The following SOCS2 variants were observed in gnomAD, a reference collection of about 807,000 sequenced individuals.
The protein encoded by SOCS2 is suppressor of cytokine signaling 2, also known as CIS-2.
Under a neutral mutation model 18.6 loss-of-function variants are expected in SOCS2, and 10 were observed. The observed-to-expected ratio is 0.54, with a 90% CI of 0.33 to 0.91. SOCS2 has a LOEUF of 0.91. SOCS2 is among the 40% of genes least tolerant of loss of function. SOCS2 has a pLI of 0.02. For synonymous variants in SOCS2, 104 were observed against 104.0 expected (o/e 1.00, Z 0.00); for missense variants, 231 against 247.2 (o/e 0.93, Z 0.44).
downstream of SOCS2, among the ~76,000 whole-genome samples, chr12:93,581,409 G>C (rs575633982): frequency 6.6e-6 from 1 of 151,810 alleles, no homozygotes; most frequent in East Asian, 1.9e-4. Context: ...ACAATTCAAG[G>C]AATGATTTTT....
the SOCS2 span, among the ~76,000 whole-genome samples, chr12:93,600,169 A>G: frequency 2.0e-5 from 3 of 152,236 alleles, no homozygotes; most frequent in African/African-American, 7.2e-5. Flanking sequence ...ATAAAGGTAT[A>G]GATTTAAAAA....
intron 1 of SOCS2, chr12:93,574,181 G>A (rs915635643): frequency 7.0e-6 from 1 of 143,158 alleles, no homozygotes; most frequent in African/African-American, 2.6e-5. Context: ...ATAGAAGGCT[G>A]TTCATAGCAG....
chr12:93,594,768 G>A, the SOCS2 span, among the ~76,000 whole-genome samples: 3 of 152,064 alleles, frequency 2.0e-5, no homozygotes, highest in Non-Finnish European at 2.9e-5. Flanking sequence ...ATCAGCTCTC[G>A]AACACTGGGA....
At chr12:93,574,662 AG>A (rs1954402177) in intron 1 of SOCS2, 59 bp from the exon 2 acceptor site, 3 of 1,258,584 alleles carry the variant, frequency 2.4e-6, no homozygotes, top group Non-Finnish European at 3.3e-6. Context: ...CTCTGTTCTA[AG>A]AATTCTTATA....
At chr12:93,578,555 T>C (rs1346656901), downstream of SOCS2, among the ~76,000 whole-genome samples, 3 of 152,196 alleles carry the variant, frequency 2.0e-5, no homozygotes, top group African/African-American at 4.8e-5. Flanking sequence ...AGAGGTCTTC[T>C]GTATTCTCCT....
the SOCS2 span, among the ~76,000 whole-genome samples, chr12:93,612,676 T>C: frequency 4.1e-4 from 63 of 152,340 alleles, no homozygotes; most frequent in Non-Finnish European, 7.6e-4. Context: ...TCCAATTGTG[T>C]ATATTCTCAG....
chr12:93,608,660 G>A, the SOCS2 span, among the ~76,000 whole-genome samples: 1 of 152,156 alleles, frequency 6.6e-6, no homozygotes, highest in African/African-American at 2.4e-5. Context: ...AACTATGTAA[G>A]TATTAGCAAT....
chr12:93,604,033 A>G, the SOCS2 span, among the ~76,000 whole-genome samples: 3 of 152,296 alleles, frequency 2.0e-5, no homozygotes, highest in African/African-American at 2.4e-5. Flanking sequence ...GAACACCCAC[A>G]TGGAGGCAAC....
At chr12:93,614,504 C>T in the SOCS2 span, among the ~76,000 whole-genome samples, 144 of 56,938 alleles carry the variant, frequency 2.5e-3, 3 homozygotes, top group East Asian at 0.012. Context: ...TCCTTCCTTC[C>T]TTCCTTCCTT....
the SOCS2 span, among the ~76,000 whole-genome samples, chr12:93,604,809 G>T: frequency 6.6e-6 from 1 of 151,868 alleles, no homozygotes; most frequent in Non-Finnish European, 1.5e-5. Flanking sequence ...CAGGTGCACG[G>T]CCCCACACCT....
chr12:93,618,769 C>T, the SOCS2 span, among the ~76,000 whole-genome samples: 1 of 151,654 alleles, frequency 6.6e-6, no homozygotes, highest in South Asian at 2.1e-4. Flanking sequence ...GTATCCAAAG[C>T]TATTATGTTA....
chr12:93,596,680 T>G, the SOCS2 span, among the ~76,000 whole-genome samples: 7 of 152,248 alleles, frequency 4.6e-5, no homozygotes, highest in East Asian at 1.3e-3. Flanking sequence ...ATACAAAAAT[T>G]AGCTGGGCGT....
chr12:93,616,358 C>T, the SOCS2 span, among the ~76,000 whole-genome samples: 2 of 152,208 alleles, frequency 1.3e-5, no homozygotes, highest in South Asian at 2.1e-4. Context: ...ATCCAGTTTT[C>T]TTGGTTTGGC....
At chr12:93,577,534 TC>T (rs369426541), downstream of SOCS2, among the ~76,000 whole-genome samples, 1 of 149,462 alleles carries the variant, frequency 6.7e-6, no homozygotes, top group East Asian at 2.0e-4. Context: ...TTTTTTTTTT[TC>T]CCCCGGGAGA....
chr12:93,580,247 T>C (rs1463504600), downstream of SOCS2, among the ~76,000 whole-genome samples: 2 of 152,226 alleles, frequency 1.3e-5, no homozygotes, highest in Non-Finnish European at 2.9e-5. Context: ...GCTAAGCATT[T>C]TTTCCCTTCT....
At chr12:93,572,540 G>T, upstream of SOCS2, 2 of 454,644 alleles carry the variant, frequency 4.4e-6, no homozygotes, top group South Asian at 4.0e-5. The surrounding 1 kb of genome is among the most constrained non-coding windows in gnomAD (Gnocchi z 5.0). Flanking sequence ...CTGGGCCAGG[G>T]CGCTAACTGG....
At chr12:93,593,204 C>T in the SOCS2 span, among the ~76,000 whole-genome samples, 1 of 152,100 alleles carries the variant, frequency 6.6e-6, no homozygotes, top group African/African-American at 2.4e-5. Flanking sequence ...TTAGCTTTGC[C>T]TAAGATTATT....
downstream of SOCS2, among the ~76,000 whole-genome samples, chr12:93,581,549 T>C (rs948095903): frequency 1.2e-4 from 19 of 152,190 alleles, no homozygotes; most frequent in Admixed American, 6.5e-4. Flanking sequence ...AATTTCTTAG[T>C]AGGAAGGTGT....
chr12:93,585,121 G>A (rs1045933146), downstream of SOCS2, among the ~76,000 whole-genome samples: 11 of 151,568 alleles, frequency 7.3e-5, no homozygotes, highest in African/African-American at 2.4e-4. Context: ...TAACCCACAA[G>A]CTCTTCCCTA....
Sources: allele counts gnomAD v4.1 joint callset (sites outside exome capture counted in the v4.1 genomes callset), GRCh38; gene constraint gnomAD v4.1.1; non-coding constraint Gnocchi (gnomAD v3.1); transcripts MANE v1.5; gene names NCBI Gene and HGNC (gene_info 2026-07-23, HGNC 2026-07-21).